PLCB1: variants seen among roughly 807,000 people sequenced by gnomAD.
The protein encoded by PLCB1 is phospholipase C beta 1.
Under a neutral mutation model 161.8 loss-of-function variants are expected in PLCB1, and 46 were observed. That is an observed-to-expected ratio of 0.28 (90% CI 0.22 to 0.36). The LOEUF (loss-of-function observed/expected upper bound fraction) is 0.36. PLCB1 is among the 10% of genes least tolerant of loss of function. The pLI is 1.00. For missense variants in PLCB1, 1,016 were observed against 1,472.5 expected (o/e 0.69, Z 5.07); for synonymous variants, 517 against 503.7 (o/e 1.03, Z -0.35).
rs568325609 is a variant in PLCB1, at chr20:8,800,521, G to C, written c.3423+10260G>C. 7.2e-5 allele frequency among the ~76,000 whole-genome samples: 11 copies of C among 152,230 alleles called. 1 individual carries two copies. The South Asian group carries it at 2.3e-3, about 32-fold the overall frequency. Reference sequence around the variant, plus strand: ...TATACAATTGGAGAGAAGCTTAGCAGATTAACCATTTTGGCATCAAAATGG... The same window carrying C: ...TATACAATTGGAGAGAAGCTTAGCACATTAACCATTTTGGCATCAAAATGG... On this transcript the variant is annotated intron_variant, in intron 31 of 31. Transcript: ENST00000338037.
intron 1 of PLCB1, among the ~76,000 whole-genome samples, chr20:8,144,970 G>T (rs1044356292): frequency 6.6e-6 from 1 of 152,226 alleles, no homozygotes; most frequent in Admixed American, 6.5e-5. Context: ...CTTTCTGACA[G>T]TGGTGCTGAG....
At chr20:8,820,886 A>G (rs1408127896) in intron 31 of PLCB1, among the ~76,000 whole-genome samples, 2 of 152,214 alleles carry the variant, frequency 1.3e-5, no homozygotes, top group African/African-American at 4.8e-5. Context: ...AGGAAAATAT[A>G]TACAGTATGA....
chr20:8,274,897 G>A (rs1323104548), intron 2 of PLCB1, among the ~76,000 whole-genome samples: 1 of 152,092 alleles, frequency 6.6e-6, no homozygotes, highest in East Asian at 1.9e-4. Context: ...TTTGCTTTTC[G>A]TGCCTGGATG....
intron 3 of PLCB1, among the ~76,000 whole-genome samples, chr20:8,574,530 C>G (rs1180645304): frequency 9.9e-5 from 15 of 152,152 alleles, no homozygotes. Context: ...GGTCCTGAGT[C>G]AAGGACTTGA....
chr20:8,773,880 A>G lies in PLCB1; in HGVS notation c.2931-659A>G, dbSNP rs556453958. 6.6e-5 allele frequency among the ~76,000 whole-genome samples: 10 copies of G among 151,234 alleles called. No homozygotes were observed. In the East Asian group the frequency reaches 1.9e-3, roughly 29 times the overall value. On this transcript the variant is annotated intron_variant, in intron 26 of 31. Coordinates refer to ENST00000338037, the MANE Select transcript of PLCB1 (RefSeq NM_015192.4). Reference sequence around the variant, plus strand: ...TTCCAGCTACTCAGGAGGCTGAGGCAGGAGAATCACTCAAACGTGGGAGGT... The same window carrying G: ...TTCCAGCTACTCAGGAGGCTGAGGCGGGAGAATCACTCAAACGTGGGAGGT...
chr20:8,191,833 G>T (rs2051973985), intron 2 of PLCB1, among the ~76,000 whole-genome samples: 1 of 151,934 alleles, frequency 6.6e-6, no homozygotes, highest in South Asian at 2.1e-4. Flanking sequence ...TCAATGCTCA[G>T]GTGTCTTGTT....
At chr20:8,622,082 C>T (rs1265983816) in intron 3 of PLCB1, among the ~76,000 whole-genome samples, 2 of 151,504 alleles carry the variant, frequency 1.3e-5, no homozygotes, top group African/African-American at 2.4e-5. Context: ...ATGGTGAAAC[C>T]GTCTCTACTC....
chr20:8,638,983 TTTTTC>T (rs149313544), intron 4 of PLCB1, among the ~76,000 whole-genome samples: 15 of 151,856 alleles, frequency 9.9e-5, no homozygotes, highest in African/African-American at 4.8e-5. Flanking sequence ...TTCTTTTCTT[TTTTTC>T]TCATGTAGCC....
chr20:8,272,103 T>C (rs1010660478), intron 2 of PLCB1, among the ~76,000 whole-genome samples: 1 of 152,042 alleles, frequency 6.6e-6, no homozygotes, highest in Admixed American at 6.6e-5. Flanking sequence ...AGCCAGTCTT[T>C]GGGGCAAAAA....
intron 3 of PLCB1, among the ~76,000 whole-genome samples, chr20:8,479,196 G>A (rs1009341109): frequency 1.2e-4 from 18 of 152,140 alleles, no homozygotes; most frequent in African/African-American, 4.3e-4. Flanking sequence ...GCTGTAGAAT[G>A]CTAATTGGTA....
At chr20:8,224,237 CTCT>C (rs2123168884) in intron 2 of PLCB1, among the ~76,000 whole-genome samples, 2 of 152,188 alleles carry the variant, frequency 1.3e-5, no homozygotes, top group African/African-American at 4.8e-5. Flanking sequence ...AGTTTCTGAG[CTCT>C]TCTTAGCCAC....
chr20:8,792,587 G>A (rs1209814396), intron 31 of PLCB1: 2 of 471,120 alleles, frequency 4.2e-6, no homozygotes, highest in Non-Finnish European at 8.8e-6. Flanking sequence ...TTGTAAATAG[G>A]TACCATGATG....
At position 8,646,078 on chromosome 20, in the gene PLCB1, G is replaced by A. The variant is rs540224901; in HGVS notation, c.385-24G>A. 46 of 1,527,580 alleles carry A rather than the reference G, an allele frequency of 3.0e-5. No homozygotes were observed. In the South Asian group the frequency reaches 4.9e-4, roughly 16 times the overall value. The allele number at this position is 1,527,580 out of a possible 1,614,324, so 94.6% of individuals were successfully genotyped here. A position where few individuals can be genotyped will look rare whatever the true frequency, so the allele number is the denominator to read the frequency against. ...ATGACTGTGCAGTATTTAAGCTAAT[G>A]CAAGTGTTATTTACATTTTTCAGGA... On this transcript the variant is annotated intron_variant, in intron 4 of 31. Coordinates refer to ENST00000338037, the MANE Select transcript of PLCB1 (RefSeq NM_015192.4).
intron 31 of PLCB1, among the ~76,000 whole-genome samples, chr20:8,875,973 A>G (rs961518679): frequency 2.0e-5 from 3 of 152,186 alleles, no homozygotes; most frequent in Non-Finnish European, 2.9e-5. Flanking sequence ...ACAGAAGAAA[A>G]GAATGTCAGA....
At chr20:8,228,895 G>T (rs923738328) in intron 2 of PLCB1, among the ~76,000 whole-genome samples, 2 of 151,892 alleles carry the variant, frequency 1.3e-5, no homozygotes, top group African/African-American at 4.8e-5. Flanking sequence ...GTTTTGTTGG[G>T]AACATTCAAA....
intron 1 of PLCB1, among the ~76,000 whole-genome samples, chr20:8,138,952 A>T (rs2051374888): frequency 6.8e-6 from 1 of 147,206 alleles, no homozygotes; most frequent in African/African-American, 2.5e-5. Flanking sequence ...CAAGAAACTA[A>T]ATTATTATAA....
Position 8,230,080 on chromosome 20 carries a change from A to AG in PLCB1, c.177+79709_177+79710insG, listed in dbSNP as rs1389060470. 6.7e-5 allele frequency among the ~76,000 whole-genome samples: 9 copies of AG among 133,528 alleles called. No individual in the cohort carries two copies. In the East Asian group the frequency reaches 1.3e-3, roughly 19 times the overall value. 87.6% of individuals were successfully genotyped at this position (133,528 alleles called of 152,430 possible). A position where few individuals can be genotyped will look rare whatever the true frequency, so the allele number is the denominator to read the frequency against. On this transcript the variant is annotated intron_variant, in intron 2 of 31. Coordinates refer to ENST00000338037, the MANE Select transcript of PLCB1 (RefSeq NM_015192.4). Reference sequence around the variant, plus strand: ...GCAAAAAAAAAAAAAAAAAAAAAAAAAAAAGAAATCTGAAAAACAGAAAAC... The same window carrying AG: ...GCAAAAAAAAAAAAAAAAAAAAAAAAGAAAAGAAATCTGAAAAACAGAAAAC...
intron 31 of PLCB1, among the ~76,000 whole-genome samples, chr20:8,858,234 G>A (rs1987133089): frequency 6.6e-6 from 1 of 152,042 alleles, no homozygotes; most frequent in Non-Finnish European, 1.5e-5. Flanking sequence ...CACACACCAC[G>A]GCCTGCTCTT....
rs137894638 is a variant in PLCB1, at chr20:8,291,310, T to C, written c.178-80072T>C. ...GCACAACACAGGCTTTCTTGCCACC[T>C]CCCAGGCCCAGCTGCTGTTTGCCCA... On this transcript the variant is annotated intron_variant, in intron 2 of 31. Transcript: ENST00000338037. Among the ~76,000 whole-genome samples, 807 of 152,228 alleles carry C rather than the reference T, an allele frequency of 5.3e-3. 9 individuals are homozygous for C. Among genetic ancestry groups the C allele is most frequent in the African/African-American group, 0.019 (773 of 41,528 alleles).
Sources: gnomAD v4.1 joint callset for allele counts (sites outside exome capture counted in the v4.1 genomes callset) on GRCh38, gnomAD v4.1.1 for gene constraint, MANE v1.5 for transcripts, NCBI Gene and HGNC (gene_info 2026-07-23, HGNC 2026-07-21) for gene names.